The following LGSN variants were observed in gnomAD, a reference collection of about 807,000 sequenced individuals.
LGSN encodes the protein lengsin.
A neutral mutation model predicts 19.5 loss-of-function variants in LGSN; 21 were observed. The ratio of observed to expected loss-of-function variants is 1.07; its 90% CI spans 0.76 to 1.55. The LOEUF (loss-of-function observed/expected upper bound fraction) is 1.55. Among genes scored for constraint, LGSN ranks in the 40% most tolerant of loss-of-function variants. The pLI, the probability that LGSN is intolerant of heterozygous loss-of-function variation, is 0.00. For synonymous variants in LGSN, 257 were observed against 215.6 expected (o/e 1.19, Z -1.68); for missense variants, 673 against 608.5 (o/e 1.11, Z -1.12).
chr6:63,401,355 A>G, the LGSN span, among the ~76,000 whole-genome samples: 1 of 151,776 alleles, frequency 6.6e-6, no homozygotes, highest in Non-Finnish European at 1.5e-5. Context: ...AGCCATGAGC[A>G]TGCCACTGCA....
chr6:63,448,456 T>C, the LGSN span, among the ~76,000 whole-genome samples: 2 of 152,156 alleles, frequency 1.3e-5, no homozygotes, highest in Middle Eastern at 3.2e-3. Context: ...CTAGGGCATT[T>C]CAAACGAAAT....
chr6:63,304,211 C>T (rs547316393), intron 1 of LGSN, among the ~76,000 whole-genome samples: 1 of 152,296 alleles, frequency 6.6e-6, no homozygotes, highest in South Asian at 2.1e-4. Context: ...AACATCAGTC[C>T]ACTTCTTTTA....
At chr6:63,333,579 G>A in the LGSN span, among the ~76,000 whole-genome samples, 5 of 121,464 alleles carry the variant, frequency 4.1e-5, no homozygotes, top group African/African-American at 1.6e-4. Flanking sequence ...AGAGAGAGAG[G>A]AAGGAAGGAA....
intron 2 of LGSN, among the ~76,000 whole-genome samples, chr6:63,291,533 C>T (rs912657308): frequency 5.9e-5 from 9 of 152,216 alleles, no homozygotes; most frequent in African/African-American, 1.7e-4. Flanking sequence ...TCAGATGCTC[C>T]TTCCCTCTCT....
At chr6:63,405,487 T>G in the LGSN span, among the ~76,000 whole-genome samples, 1 of 152,212 alleles carries the variant, frequency 6.6e-6, no homozygotes. Context: ...GACATTTTAA[T>G]GATTGCCATT....
the LGSN span, among the ~76,000 whole-genome samples, chr6:63,380,515 T>C: frequency 6.6e-6 from 1 of 152,178 alleles, no homozygotes; most frequent in African/African-American, 2.4e-5. Context: ...AAGTCTGCTG[T>C]TTGACAGGTG....
At chr6:63,444,988 A>G in the LGSN span, among the ~76,000 whole-genome samples, 1 of 152,158 alleles carries the variant, frequency 6.6e-6, no homozygotes, top group Non-Finnish European at 1.5e-5. Flanking sequence ...TCCATGGAAA[A>G]GTGCCATTTG....
chr6:63,458,757 T>C, the LGSN span, among the ~76,000 whole-genome samples: 1 of 152,212 alleles, frequency 6.6e-6, no homozygotes, highest in African/African-American at 2.4e-5. Flanking sequence ...GGTGTATGTT[T>C]TTCGAAGTGT....
chr6:63,559,757 A>C, the LGSN span, among the ~76,000 whole-genome samples: 1 of 152,010 alleles, frequency 6.6e-6, no homozygotes, highest in Non-Finnish European at 1.5e-5. Flanking sequence ...AAGAGGAAAA[A>C]AAAAATGAAT....
the LGSN span, among the ~76,000 whole-genome samples, chr6:63,359,459 G>T: frequency 6.6e-6 from 1 of 152,144 alleles, no homozygotes; most frequent in Non-Finnish European, 1.5e-5. Flanking sequence ...AATCCATCTG[G>T]TCCTGGACTT....
At chr6:63,454,793 C>CT in the LGSN span, among the ~76,000 whole-genome samples, 20,398 of 91,408 alleles carry the variant, frequency 0.22, 3,817 homozygotes, top group African/African-American at 0.49. Context: ...TTTTCTTTTT[C>CT]TTTTTTTTTT....
the LGSN span, chr6:63,397,092 C>G: frequency 1.3e-5 from 2 of 152,194 alleles, no homozygotes; most frequent in Non-Finnish European, 2.9e-5. Flanking sequence ...GCATCCCCCT[C>G]AAGCTACACT....
chr6:63,378,830 G>C, the LGSN span, among the ~76,000 whole-genome samples: 2 of 152,134 alleles, frequency 1.3e-5, no homozygotes, highest in East Asian at 3.8e-4. Flanking sequence ...TCTGACACTA[G>C]GAATCAATTT....
the LGSN span, among the ~76,000 whole-genome samples, chr6:63,412,539 A>AGAGAG: frequency 5.1e-5 from 7 of 137,432 alleles, no homozygotes; most frequent in African/African-American, 2.1e-4. Flanking sequence ...GGAAAGAAAG[A>AGAGAG]AAGAAAGAAA....
chr6:63,528,550 C>T, the LGSN span, among the ~76,000 whole-genome samples: 1 of 151,852 alleles, frequency 6.6e-6, no homozygotes, highest in South Asian at 2.1e-4. Flanking sequence ...CATGGTGAAA[C>T]CTCATCTCTA....
chr6:63,553,974 G>A, the LGSN span, among the ~76,000 whole-genome samples: 1 of 152,094 alleles, frequency 6.6e-6, no homozygotes, highest in Admixed American at 6.6e-5. Context: ...TATTTTAAGA[G>A]GCTTATAACC....
the LGSN span, among the ~76,000 whole-genome samples, chr6:63,421,467 T>C: frequency 6.6e-6 from 1 of 151,380 alleles, no homozygotes; most frequent in Non-Finnish European, 1.5e-5. Flanking sequence ...CAGTGGCTCA[T>C]GCCTGTAATC....
At chr6:63,470,201 C>A in the LGSN span, among the ~76,000 whole-genome samples, 1 of 151,992 alleles carries the variant, frequency 6.6e-6, no homozygotes, top group African/African-American at 2.4e-5. Context: ...GGTACAGTAG[C>A]TCACACCTGT....
At chr6:63,484,181 A>G in the LGSN span, among the ~76,000 whole-genome samples, 1 of 151,936 alleles carries the variant, frequency 6.6e-6, no homozygotes, top group Non-Finnish European at 1.5e-5. Context: ...TAATTCATGC[A>G]CCACCAATCC....
Sources: allele counts gnomAD v4.1 joint callset (sites outside exome capture counted in the v4.1 genomes callset), GRCh38; gene constraint gnomAD v4.1.1; transcripts MANE v1.5; gene names NCBI Gene and HGNC (gene_info 2026-07-23, HGNC 2026-07-21).